POLL: variants seen among roughly 807,000 people sequenced by gnomAD.
POLL encodes the protein DNA polymerase lambda, also known as DNA polymerase beta-2.
A neutral mutation model predicts 58.1 loss-of-function variants in POLL; 44 were observed. The ratio of observed to expected loss-of-function variants is 0.76; its 90% CI spans 0.60 to 0.97. The LOEUF is 0.97. Among genes scored for constraint, POLL ranks in the 50% least tolerant of loss-of-function variants. The pLI, the probability that POLL is intolerant of heterozygous loss-of-function variation, is 0.00. For missense variants in POLL, 632 were observed against 736.8 expected (o/e 0.86, Z 1.65); for synonymous variants, 290 against 283.2 (o/e 1.02, Z -0.24).
rs752786316 is a variant in POLL at position 101,582,767 on chromosome 10, T to TAC, written c.1189_1190insGT (p.Gln397ArgfsTer67). The TAC allele has an allele frequency of 1.9e-6, 3 of 1,613,986 alleles. No individual in the cohort carries two copies. The highest frequency in any genetic ancestry group is 3.3e-5 in the Admixed American group (2 of 60,028). ...TGCTCTGGGACACCTGCTTACTGTC[T>TAC]GCTCAATCTCTGTAGCCTCCTCCCT... On this transcript the variant is annotated frameshift_variant, in exon 7 of 9. Transcript: ENST00000370162. LOFTEE classifies it high-confidence loss of function.
chr10:101,583,702 G>C (rs1462261900), intron 5 of POLL, 21 bp from the exon 6 acceptor site: 1 of 1,609,234 alleles, frequency 6.2e-7, no homozygotes, highest in African/African-American at 1.3e-5. Context: ...AGGAGGCAGA[G>C]GCAAGAAAGA....
intron 1 of POLL, 146 bp from the exon 2 acceptor site, chr10:101,587,552 T>A: frequency 2.1e-6 from 3 of 1,416,308 alleles, no homozygotes; most frequent in Non-Finnish European, 1.9e-6. Context: ...TAAACTTCAG[T>A]GGTTTAGCCT....
intron 3 of POLL, 107 bp downstream of exon 3, chr10:101,585,755 C>G: frequency 9.5e-7 from 1 of 1,052,430 alleles, no homozygotes; most frequent in Non-Finnish European, 1.3e-6. Context: ...CACACCCCAC[C>G]ATGCCTGGCT....
Position 101,580,010 on chromosome 10 carries a change from G to T in POLL, c.1364-193C>A. The T allele has an allele frequency of 1.4e-6, 1 of 713,572 alleles. No homozygotes were observed. Among genetic ancestry groups the T allele is most frequent in the Non-Finnish European group, 2.3e-6 (1 of 439,204 alleles). The allele number at this position is 713,572 out of a possible 1,614,324, so 44.2% of individuals were successfully genotyped here. The stretch of plus-strand genomic sequence containing the variant: ...CATCTCCCCCATAGTGTCACAGAAA[G>T]ATCAGATGAGATACTTGGCCTGCAG... On this transcript the variant is annotated intron_variant, in intron 8 of 8. Transcript: ENST00000370162. The surrounding 1 kb of genome is among the most constrained non-coding windows in gnomAD (Gnocchi z 4.1).
At chr10:101,584,128 C>T (rs986181781) in intron 5 of POLL, among the ~76,000 whole-genome samples, 3 of 152,092 alleles carry the variant, frequency 2.0e-5, no homozygotes, top group Admixed American at 1.3e-4. Flanking sequence ...TAGTGAATGA[C>T]AGGAACCAGA....
intron 2 of POLL, 36 bp from the exon 3 acceptor site, chr10:101,586,192 C>T (rs1564877194): frequency 2.6e-6 from 4 of 1,538,958 alleles, no homozygotes; most frequent in South Asian, 2.3e-5. Context: ...ACTGTTGTAA[C>T]TTTTTAATTT....
rs1323740579 is a variant in POLL at position 101,579,791 on chromosome 10, G to T, written c.1390C>A (p.Gln464Lys). ...TTCTGTTGCTGACCATTCTCCTCTTGGCTCACCAAGTCATCTGTGAGGAAC... is the reference window on the plus strand; with the variant it reads ...TTCTGTTGCTGACCATTCTCCTCTTTGCTCACCAAGTCATCTGTGAGGAAC... ...EGFLTDDLVS[Q>K]EENGQQQKYL... is the part of the protein sequence containing the mutation. Residue 464 changes from glutamine to lysine, a missense_variant, in exon 9 of 9, where the codon CAA becomes AAA. Gln to Lys is a moderately conservative substitution (Grantham distance 53). Coordinates refer to ENST00000370162, the MANE Select transcript of POLL (RefSeq NM_001174084.2). This position sits in a 1 kb window ranked among gnomAD's most constrained non-coding sequence, Gnocchi z 4.4. The T allele has an allele frequency of 2.5e-6, 4 of 1,613,360 alleles. No homozygotes were observed. In the African/African-American group the frequency reaches 5.3e-5, roughly 22 times the overall value.
chr10:101,583,817 G>C, intron 5 of POLL, 136 bp from the exon 6 acceptor site: 1 of 704,148 alleles, frequency 1.4e-6, no homozygotes, highest in East Asian at 2.7e-5. Flanking sequence ...GTGTGGCTGT[G>C]TAAAGCTTGG....
intron 2 of POLL, among the ~76,000 whole-genome samples, chr10:101,586,376 G>A (rs538516613): frequency 2.6e-5 from 4 of 152,284 alleles, no homozygotes; most frequent in East Asian, 1.9e-4. Context: ...ATTTTCATAC[G>A]TCCTGTTCCT....
chr10:101,587,034 A>C, intron 2 of POLL: 3 of 958,638 alleles, frequency 3.1e-6, no homozygotes, highest in Non-Finnish European at 4.9e-6. Context: ...TGATGGATAG[A>C]GGTCTTCGGG....
At chr10:101,583,794 C>T in intron 5 of POLL, 113 bp from the exon 6 acceptor site, 1 of 886,408 alleles carries the variant, frequency 1.1e-6, no homozygotes, top group Non-Finnish European at 1.8e-6. Flanking sequence ...GCCAGCCTGG[C>T]TGCTTGGCAA....
intron 2 of POLL, among the ~76,000 whole-genome samples, chr10:101,586,471 TTTTG>T (rs536752358): frequency 8.3e-4 from 126 of 152,232 alleles, no homozygotes; most frequent in African/African-American, 1.8e-3. Context: ...TTACTTTGTT[TTTTG>T]TTTGTTTGTT....
At position 101,580,441 on chromosome 10, in the gene POLL, G is replaced by A. The variant is rs1160765503; in HGVS notation, c.1195-25C>T. On this transcript the variant is annotated intron_variant, in intron 7 of 8. Coordinates refer to ENST00000370162, the MANE Select transcript of POLL (RefSeq NM_001174084.2). The surrounding 1 kb of genome is among the most constrained non-coding windows in gnomAD (Gnocchi z 4.1). ...CCTGGGAAAGAGAGCGGTGACAGGTGAGGGGCTGTGCGTGGGGAGCTCCTC... is the reference window on the plus strand; with the variant it reads ...CCTGGGAAAGAGAGCGGTGACAGGTAAGGGGCTGTGCGTGGGGAGCTCCTC... 1 of 1,609,140 alleles carries A rather than the reference G, an allele frequency of 6.2e-7. No homozygotes were observed. The highest frequency in any genetic ancestry group is 8.5e-7 in the Non-Finnish European group (1 of 1,177,102).
intron 2 of POLL, among the ~76,000 whole-genome samples, chr10:101,586,782 A>C (rs1000354698): frequency 6.6e-6 from 1 of 152,214 alleles, no homozygotes; most frequent in Admixed American, 6.5e-5. Context: ...GGCAAGAGCC[A>C]CCGCGCCCAG....
chr10:101,586,866 A>G (rs769553622), intron 2 of POLL, among the ~76,000 whole-genome samples: 6 of 152,198 alleles, frequency 3.9e-5, no homozygotes, highest in Admixed American at 2.0e-4. Flanking sequence ...ACAGTCTGAC[A>G]GACCCGACAA....
rs1287837158 is a variant in POLL, at chr10:101,579,292, G to A, written c.*161C>T. 16 of 782,552 alleles carry A rather than the reference G, an allele frequency of 2.0e-5. No individual in the cohort carries two copies. The highest frequency in any genetic ancestry group is 9.1e-5 in the South Asian group (5 of 54,800). 48.5% of individuals were successfully genotyped at this position (782,552 alleles called of 1,614,324 possible). On this transcript the variant is annotated 3_prime_UTR_variant, in exon 9 of 9. Transcript: ENST00000370162. This position sits in a 1 kb window ranked among gnomAD's most constrained non-coding sequence, Gnocchi z 4.4. The stretch of plus-strand genomic sequence containing the variant: ...GGGAGCCGGGCAGACACTGGGAGCC[G>A]GGCTGGCTCTTGCTTCAGGCCCAGA...
chr10:101,583,628 C>T lies in POLL; in HGVS notation c.945G>A (p.Glu315=). ...IGKRMAEKII[E]ILESGHLRKL... is the part of the protein sequence containing the mutation. Reference sequence around the variant, plus strand: ...TCCGCAAATGCCCGCTCTCCAGGATCTCTATGATTTTCTCAGCCATCCGCT... The same window carrying T: ...TCCGCAAATGCCCGCTCTCCAGGATTTCTATGATTTTCTCAGCCATCCGCT... Residue 315 remains glutamate, a synonymous_variant, in exon 6 of 9, where the codon GAG becomes GAA. Coordinates refer to ENST00000370162, the MANE Select transcript of POLL (RefSeq NM_001174084.2). 1 of 1,614,198 alleles carries T rather than the reference C, an allele frequency of 6.2e-7. No homozygotes were observed. The highest frequency in any genetic ancestry group is 1.1e-5 in the South Asian group (1 of 91,080).
rs755231940 is a variant in POLL, at chr10:101,584,881, G to A, written c.612C>T (p.Thr204=). Residue 204 remains threonine, a synonymous_variant, in exon 5 of 9, where the codon ACC becomes ACT. Coordinates refer to ENST00000370162, the MANE Select transcript of POLL (RefSeq NM_001174084.2). ...SDDEASDGEE[T]QVSAADLEAL... is the part of the protein sequence containing the mutation. ...CTTCCAGATCAGCTGCACTAACCTG[G>A]GTTTCTTCCCCATCACTGGCTTCAT... is the stretch of plus-strand genomic sequence containing the variant. 1 of 1,436,276 alleles carries A rather than the reference G, an allele frequency of 7.0e-7. No individual in the cohort carries two copies. Among genetic ancestry groups the A allele is most frequent in the East Asian group, 2.5e-5 (1 of 40,246 alleles). The allele number at this position is 1,436,276 out of a possible 1,614,324, so 89.0% of individuals were successfully genotyped here. A position where few individuals can be genotyped will look rare whatever the true frequency, so the allele number is the denominator to read the frequency against.
chr10:101,583,402 C>T, intron 6 of POLL, 106 bp downstream of exon 6: 1 of 1,254,984 alleles, frequency 8.0e-7, no homozygotes, highest in South Asian at 1.3e-5. Context: ...TGGGTGCATT[C>T]CCATCAGAGC....
Sources: gnomAD v4.1 joint callset for allele counts (sites outside exome capture counted in the v4.1 genomes callset) on GRCh38, gnomAD v4.1.1 for gene constraint, Gnocchi (gnomAD v3.1) non-coding constraint, MANE v1.5 for transcripts, NCBI Gene and HGNC (gene_info 2026-07-23, HGNC 2026-07-21) for gene names.